Variants in MAGI2 observed in about 807,000 individuals in gnomAD.
MAGI2 encodes the protein membrane-associated guanylate kinase, WW and PDZ domain-containing protein 2.
A neutral mutation model predicts 133.3 loss-of-function variants in MAGI2; 35 were observed. The observed-to-expected ratio is 0.26, with a 90% confidence interval of 0.20 to 0.35. MAGI2 has a LOEUF of 0.35. Among genes scored for constraint, MAGI2 ranks in the 10% least tolerant of loss-of-function variants. The pLI is 1.00. For synonymous variants in MAGI2, 729 were observed against 710.6 expected (o/e 1.03, Z -0.41); for missense variants, 1,636 against 1,863.4 (o/e 0.88, Z 2.25).
intron 6 of MAGI2, among the ~76,000 whole-genome samples, chr7:78,471,524 G>C (rs907734482): frequency 2.0e-5 from 3 of 151,954 alleles, no homozygotes; most frequent in African/African-American, 7.2e-5. Flanking sequence ...TCACCTCTGG[G>C]GATTTTATTT....
chr7:78,310,623 G>A (rs929655142), intron 9 of MAGI2, among the ~76,000 whole-genome samples: 8 of 152,074 alleles, frequency 5.3e-5, no homozygotes, highest in Admixed American at 2.0e-4. Flanking sequence ...GCTGGGAGTA[G>A]GGATGTTTAC....
At chr7:78,992,465 C>T (rs567617266) in intron 2 of MAGI2, among the ~76,000 whole-genome samples, 6 of 151,904 alleles carry the variant, frequency 3.9e-5, no homozygotes, top group African/African-American at 7.2e-5. Flanking sequence ...GCATTGCTAA[C>T]TGACCATTTT....
intron 9 of MAGI2, among the ~76,000 whole-genome samples, chr7:78,259,314 A>T (rs1793297381): frequency 6.6e-6 from 1 of 152,148 alleles, no homozygotes; most frequent in African/African-American, 2.4e-5. Flanking sequence ...TGAGGTCAAA[A>T]GACTTTGGTC....
At chr7:79,303,394 A>G (rs1179345532) in intron 1 of MAGI2, among the ~76,000 whole-genome samples, 1 of 152,230 alleles carries the variant, frequency 6.6e-6, no homozygotes, top group Non-Finnish European at 1.5e-5. Flanking sequence ...ACCTTGGGAT[A>G]TTTATCTAAC....
intron 2 of MAGI2, among the ~76,000 whole-genome samples, chr7:78,951,942 C>T (rs1347189072): frequency 6.6e-6 from 1 of 152,162 alleles, no homozygotes; most frequent in African/African-American, 2.4e-5. Context: ...AATATCCTAA[C>T]ATTTCACATG....
At chr7:78,880,822 A>C (rs893289617) in intron 2 of MAGI2, among the ~76,000 whole-genome samples, 2 of 152,308 alleles carry the variant, frequency 1.3e-5, no homozygotes, top group Middle Eastern at 3.4e-3. Context: ...GCTATCATCA[A>C]GAGACCCATT....
rs147789488 is a variant in MAGI2 at position 79,309,317 on chromosome 7, C to T, written c.301+143703G>A. 4.2e-3 allele frequency among the ~76,000 whole-genome samples: 631 copies of T among 151,478 alleles called. 3 individuals carry two copies. The highest frequency in any genetic ancestry group is 5.6e-3 in the Non-Finnish European group (383 of 67,850). Reference sequence around the variant, plus strand: ...TCAAGATTTGTGTTGGACGAGGAAACTAGTTTAGAGATTTTGTTTTTGTTT... The same window carrying T: ...TCAAGATTTGTGTTGGACGAGGAAATTAGTTTAGAGATTTTGTTTTTGTTT... On this transcript the variant is annotated intron_variant, in intron 1 of 21. Transcript: ENST00000354212.
chr7:79,368,199 C>G (rs1270410053), intron 1 of MAGI2, among the ~76,000 whole-genome samples: 1 of 151,952 alleles, frequency 6.6e-6, no homozygotes, highest in Non-Finnish European at 1.5e-5. Flanking sequence ...CTAAATTGTG[C>G]ATCTAGGAAA....
At position 78,645,111 on chromosome 7, in the gene MAGI2, C is replaced by CATGT. The variant is rs35673298; in HGVS notation, c.419-17873_419-17872insACAT. On this transcript the variant is annotated intron_variant, in intron 2 of 21. Transcript: ENST00000354212. The stretch of plus-strand genomic sequence containing the variant: ...AGTAGATAGCCTGTATATGTGTGTG[C>CATGT]GTGTGTGTGTGTGTGTGTGTATGTC... 1.0e-4 allele frequency among the ~76,000 whole-genome samples: 15 copies of CATGT among 148,330 alleles called. No homozygotes were observed. The East Asian group carries it at 1.4e-3, about 14-fold the overall frequency.
chr7:78,930,667 T>C (rs879286649), intron 2 of MAGI2, among the ~76,000 whole-genome samples: 1 of 152,126 alleles, frequency 6.6e-6, no homozygotes, highest in Non-Finnish European at 1.5e-5. Flanking sequence ...TCATTATTTA[T>C]AATTTGGTAT....
chr7:79,219,838 T>C (rs1462439266), intron 1 of MAGI2, among the ~76,000 whole-genome samples: 1 of 152,042 alleles, frequency 6.6e-6, no homozygotes, highest in East Asian at 1.9e-4. Context: ...TTTTTAATTG[T>C]AGGGATTTTA....
intron 1 of MAGI2, among the ~76,000 whole-genome samples, chr7:79,115,798 AT>A (rs1479062241): frequency 6.7e-6 from 1 of 149,112 alleles, no homozygotes; most frequent in Non-Finnish European, 1.5e-5. Context: ...CAGTATAGCC[AT>A]TTTGGTTATT....
intron 6 of MAGI2, among the ~76,000 whole-genome samples, chr7:78,445,912 C>G (rs1006535150): frequency 6.6e-6 from 1 of 151,200 alleles, no homozygotes; most frequent in Admixed American, 6.6e-5. Context: ...TTTCCTTAAG[C>G]CTATATTGTC....
intron 2 of MAGI2, among the ~76,000 whole-genome samples, chr7:78,936,331 A>G (rs1299798637): frequency 6.6e-6 from 1 of 152,032 alleles, no homozygotes; most frequent in Non-Finnish European, 1.5e-5. Flanking sequence ...TCATAAAATC[A>G]TAATAAAGCA....
chr7:78,517,213 G>A (rs1246888209), intron 4 of MAGI2, among the ~76,000 whole-genome samples: 2 of 136,024 alleles, frequency 1.5e-5, no homozygotes, highest in Admixed American at 7.2e-5. Flanking sequence ...TTTAAACATC[G>A]GTTCAAAAAC....
At chr7:78,201,096 C>CT in intron 11 of MAGI2, 66 bp downstream of exon 11, 1 of 1,122,362 alleles carries the variant, frequency 8.9e-7, no homozygotes, top group Non-Finnish European at 1.3e-6. Flanking sequence ...CCCAATTCAA[C>CT]TTTTATTAAA....
intron 3 of MAGI2, among the ~76,000 whole-genome samples, chr7:78,575,199 A>G (rs1421982010): frequency 2.0e-5 from 3 of 152,214 alleles, no homozygotes; most frequent in African/African-American, 7.2e-5. Flanking sequence ...AACTATCACT[A>G]TCATTCCATT....
chr7:79,150,950 A>G (rs1823164293), intron 1 of MAGI2, among the ~76,000 whole-genome samples: 1 of 152,056 alleles, frequency 6.6e-6, no homozygotes, highest in Non-Finnish European at 1.5e-5. Flanking sequence ...TTTCACACTT[A>G]TTTATCTTAT....
At chr7:78,711,057 T>A (rs578002079) in intron 2 of MAGI2, among the ~76,000 whole-genome samples, 4 of 152,290 alleles carry the variant, frequency 2.6e-5, no homozygotes, top group South Asian at 4.1e-4. Context: ...ACAACATCAC[T>A]TGTAAGGACT....
Sources: allele counts gnomAD v4.1 joint callset (sites outside exome capture counted in the v4.1 genomes callset), GRCh38; gene constraint gnomAD v4.1.1; transcripts MANE v1.5; gene names NCBI Gene and HGNC (gene_info 2026-07-23, HGNC 2026-07-21).